Variants in LRRC4C observed in about 807,000 individuals in gnomAD.
LRRC4C encodes the protein leucine rich repeat containing 4C.
A neutral mutation model predicts 33.6 loss-of-function variants in LRRC4C; 5 were observed. That is an observed-to-expected ratio of 0.15 (90% CI 0.08 to 0.31). The LOEUF is 0.31. Ranked by LOEUF, LRRC4C falls within the 10% of genes least tolerant of loss-of-function variation. LRRC4C has a pLI of 1.00. For synonymous variants in LRRC4C, 329 were observed against 302.0 expected, an observed-to-expected ratio of 1.09 and a Z score of -0.93; for missense variants, 560 against 796.7, an observed-to-expected ratio of 0.70 and a Z score of 3.58.
Position 41,345,515 on chromosome 11 carries a change from TACA to T in LRRC4C, c.-496+113913_-496+113915del, listed in dbSNP as rs760449078. ...AACTGCCAGTATTATTAGGCTGGGCTACAACAACTGCCTCTAATTTGTTTCCTG... is the reference window on the plus strand; with the variant it reads ...AACTGCCAGTATTATTAGGCTGGGCTACAACTGCCTCTAATTTGTTTCCTG... On this transcript the variant is annotated intron_variant, in intron 1 of 6. Coordinates refer to ENST00000528697, the MANE Select transcript of LRRC4C (RefSeq NM_001258419.2). Among the ~76,000 whole-genome samples, 23 of 152,226 alleles carry T rather than the reference TACA, an allele frequency of 1.5e-4. No homozygotes were observed. In the East Asian group the frequency reaches 1.5e-3, roughly 10 times the overall value.
chr11:40,681,492 T>C (rs997781165), intron 2 of LRRC4C, among the ~76,000 whole-genome samples: 21 of 152,196 alleles, frequency 1.4e-4, no homozygotes, highest in Non-Finnish European at 2.8e-4. Context: ...GCACTGGCAA[T>C]GTGGTAGTGA....
At chr11:41,235,321 T>G (rs1170939054) in intron 1 of LRRC4C, among the ~76,000 whole-genome samples, 1 of 152,074 alleles carries the variant, frequency 6.6e-6, no homozygotes, top group Non-Finnish European at 1.5e-5. Context: ...ACTTCTATAC[T>G]CATTTTGGTC....
chr11:41,036,519 G>A (rs1185549199), intron 1 of LRRC4C, among the ~76,000 whole-genome samples: 3 of 151,992 alleles, frequency 2.0e-5, no homozygotes, highest in Non-Finnish European at 2.9e-5. Context: ...TAATTCAAAG[G>A]GTTGATAATA....
intron 1 of LRRC4C, among the ~76,000 whole-genome samples, chr11:40,983,792 G>A (rs2137130861): frequency 6.6e-6 from 1 of 152,182 alleles, no homozygotes; most frequent in Admixed American, 6.5e-5. Flanking sequence ...ATCACAATGA[G>A]ATACCATTTC....
At chr11:40,926,316 G>A (rs1486678581) in intron 2 of LRRC4C, among the ~76,000 whole-genome samples, 1 of 152,024 alleles carries the variant, frequency 6.6e-6, no homozygotes, top group East Asian at 1.9e-4. Flanking sequence ...CAGTAGACAT[G>A]ATGCAGCTAA....
intron 1 of LRRC4C, among the ~76,000 whole-genome samples, chr11:41,204,611 G>A (rs1490912378): frequency 6.6e-6 from 1 of 152,128 alleles, no homozygotes; most frequent in African/African-American, 2.4e-5. Flanking sequence ...TCAGACTCTG[G>A]CTGTCAGTAG....
intron 1 of LRRC4C, among the ~76,000 whole-genome samples, chr11:40,972,136 A>ATTT (rs3075563): frequency 2.3e-4 from 32 of 137,886 alleles, no homozygotes; most frequent in African/African-American, 6.4e-4. Context: ...GGAAGCCATA[A>ATTT]TTTTTTTTTT....
At chr11:40,343,211 C>T (rs962841150) in intron 3 of LRRC4C, among the ~76,000 whole-genome samples, 3 of 151,982 alleles carry the variant, frequency 2.0e-5, no homozygotes, top group African/African-American at 7.3e-5. Flanking sequence ...AAGAATGCAA[C>T]CTTAGGCACA....
At chr11:40,720,356 A>G (rs988789832) in intron 2 of LRRC4C, among the ~76,000 whole-genome samples, 18 of 152,318 alleles carry the variant, frequency 1.2e-4, no homozygotes, top group African/African-American at 3.8e-4. Flanking sequence ...ACTGTTTTCC[A>G]AAACCATCAA....
At chr11:41,119,342 ACAG>A (rs1942306400) in intron 1 of LRRC4C, among the ~76,000 whole-genome samples, 1 of 152,184 alleles carries the variant, frequency 6.6e-6, no homozygotes, top group South Asian at 2.1e-4. Context: ...CTAAGGTCAC[ACAG>A]CTAGTGAGTG....
At chr11:41,371,858 G>A (rs1952759026) in intron 1 of LRRC4C, among the ~76,000 whole-genome samples, 2 of 152,310 alleles carry the variant, frequency 1.3e-5, no homozygotes, top group Non-Finnish European at 1.5e-5. Flanking sequence ...AAATTGGGCC[G>A]GGCGCGGTGG....
At chr11:40,420,849 T>A (rs1029840943) in intron 3 of LRRC4C, among the ~76,000 whole-genome samples, 4 of 152,196 alleles carry the variant, frequency 2.6e-5, no homozygotes, top group African/African-American at 7.2e-5. Flanking sequence ...GCCAACAGTG[T>A]CCCTGGTATC....
At chr11:40,624,841 T>A (rs1241369913) in intron 3 of LRRC4C, among the ~76,000 whole-genome samples, 1 of 152,196 alleles carries the variant, frequency 6.6e-6, no homozygotes, top group African/African-American at 2.4e-5. Flanking sequence ...GACTACCACA[T>A]TTGAATTTAG....
chr11:41,037,777 G>A (rs1172993697), intron 1 of LRRC4C, among the ~76,000 whole-genome samples: 1 of 152,092 alleles, frequency 6.6e-6, no homozygotes, highest in Non-Finnish European at 1.5e-5. Context: ...CCTGAATTCG[G>A]AGTACTTAAT....
At chr11:40,750,644 G>A (rs530677437) in intron 2 of LRRC4C, among the ~76,000 whole-genome samples, 4 of 127,582 alleles carry the variant, frequency 3.1e-5, no homozygotes, top group African/African-American at 1.2e-4. Context: ...TCACACATCG[G>A]GACTGTTGTG....
At chr11:40,409,649 C>A (rs542222630) in intron 3 of LRRC4C, among the ~76,000 whole-genome samples, 1 of 152,008 alleles carries the variant, frequency 6.6e-6, no homozygotes, top group Non-Finnish European at 1.5e-5. Flanking sequence ...CATCATTAAT[C>A]GTCAGGAAAG....
intron 2 of LRRC4C, among the ~76,000 whole-genome samples, chr11:40,828,332 G>T (rs1952255556): frequency 6.6e-6 from 1 of 151,384 alleles, no homozygotes. Context: ...ATTTACATTA[G>T]AATTATGCAA....
chr11:40,901,326 C>T (rs574454532), intron 2 of LRRC4C, among the ~76,000 whole-genome samples: 33 of 152,138 alleles, frequency 2.2e-4, no homozygotes, highest in South Asian at 2.1e-3. Flanking sequence ...AGAAGTATAA[C>T]TCCAAGGGCT....
At chr11:40,438,885 A>G (rs1951257833) in intron 3 of LRRC4C, among the ~76,000 whole-genome samples, 1 of 150,358 alleles carries the variant, frequency 6.7e-6, no homozygotes, top group African/African-American at 2.4e-5. Context: ...TCAAAATAAT[A>G]CTAGTTTTTC....
Sources: gnomAD v4.1 joint callset for allele counts (sites outside exome capture counted in the v4.1 genomes callset) on GRCh38, gnomAD v4.1.1 for gene constraint, MANE v1.5 for transcripts, NCBI Gene and HGNC (gene_info 2026-07-23, HGNC 2026-07-21) for gene names.